The following LGI1 variants were observed in gnomAD, a reference collection of about 807,000 sequenced individuals.
The protein encoded by LGI1 is leucine-rich glioma-inactivated protein 1.
In LGI1, 11 loss-of-function variants were observed where a neutral mutation model predicts 57.7. The observed-to-expected ratio is 0.19, with a 90% CI of 0.12 to 0.32. The LOEUF is 0.32. Among genes scored for constraint, LGI1 ranks in the 10% least tolerant of loss-of-function variants. The pLI is 1.00. For missense variants in LGI1, 422 were observed against 661.9 expected (o/e 0.64, Z 3.98); for synonymous variants, 222 against 241.9 (o/e 0.92, Z 0.76).
At chr10:93,764,488 A>G (rs2059654133) in intron 2 of LGI1, 1 of 152,200 alleles carries the variant, frequency 6.6e-6, no homozygotes, top group Non-Finnish European at 1.5e-5. Flanking sequence ...TCCTGTGGCT[A>G]ATACGGGCTA....
chr10:93,776,853 A>T (rs2059799120), intron 2 of LGI1: 1 of 164,124 alleles, frequency 6.1e-6, no homozygotes, highest in Non-Finnish European at 1.3e-5. Context: ...TCCCATTTTC[A>T]GTCTGTGTGC....
rs1259297181 is a variant in LGI1 at position 93,775,721 on chromosome 10, T to C, written c.288-1658T>C. Among the ~76,000 whole-genome samples the C allele has an allele frequency of 3.3e-5, 5 of 152,246 alleles. No homozygotes were observed. In the East Asian group the frequency reaches 9.6e-4, roughly 29 times the overall value. On this transcript the variant is annotated intron_variant, in intron 2 of 7. Coordinates refer to ENST00000371418, the MANE Select transcript of LGI1 (RefSeq NM_005097.4). ...CTGCCCACTAATATTCATTTCCCAC[T>C]ATGTCCTGCATCTGATTTAACATAA...
At chr10:93,789,626 C>T (rs774003886) in intron 4 of LGI1, 2 of 168,362 alleles carry the variant, frequency 1.2e-5, no homozygotes, top group Admixed American at 5.6e-5. Context: ...GTAATCCCAG[C>T]ACTTTGGGAG....
intron 4 of LGI1, chr10:93,779,082 A>T (rs972363754): frequency 2.0e-5 from 3 of 152,190 alleles, no homozygotes; most frequent in Admixed American, 6.5e-5. Flanking sequence ...AATGAATGCT[A>T]TGCAATTTTA....
chr10:93,788,833 A>G (rs1455536997), intron 4 of LGI1: 1 of 152,246 alleles, frequency 6.6e-6, no homozygotes, highest in Non-Finnish European at 1.5e-5. Context: ...AGAATGTTTT[A>G]AAGGGAAGTT....
chr10:93,785,396 C>T (rs112296134), intron 4 of LGI1, among the ~76,000 whole-genome samples: 4 of 152,266 alleles, frequency 2.6e-5, no homozygotes, highest in African/African-American at 7.2e-5. Context: ...TTAATTCTCA[C>T]AATAAGTGAA....
chr10:93,776,331 G>T (rs996015994), intron 2 of LGI1, among the ~76,000 whole-genome samples: 1 of 152,096 alleles, frequency 6.6e-6, no homozygotes, highest in Non-Finnish European at 1.5e-5. Flanking sequence ...TCACTCTTAT[G>T]TATCCATCTT....
intron 4 of LGI1, among the ~76,000 whole-genome samples, chr10:93,787,034 A>G (rs2059897746): frequency 6.6e-6 from 1 of 152,196 alleles, no homozygotes; most frequent in Non-Finnish European, 1.5e-5. Context: ...GACTTAGGGA[A>G]GCTGTCTGAA....
At chr10:93,791,290 T>A (rs1410033652) in intron 5 of LGI1, 1 of 152,232 alleles carries the variant, frequency 6.6e-6, no homozygotes, top group Non-Finnish European at 1.5e-5. Context: ...TGGGTCAGAG[T>A]TCTCTTGGGA....
In LGI1 at chr10:93,758,033, T is replaced by TA; in HGVS notation, c.-111dup. The TA allele has an allele frequency of 1.1e-6, 1 of 919,216 alleles. No individual in the cohort carries two copies. Among genetic ancestry groups the TA allele is most frequent in the Non-Finnish European group, 1.8e-6 (1 of 569,410 alleles). The allele number at this position is 919,216 out of a possible 1,614,324, so 56.9% of individuals were successfully genotyped here. On this transcript the variant is annotated 5_prime_UTR_variant, in exon 1 of 8. Transcript: ENST00000371418. The surrounding 1 kb of genome is among the most constrained non-coding windows in gnomAD (Gnocchi z 4.7). ...GGTCTCTGTTTTGAAAAAGCAGAGA[T>TA]ACAGAGGCAGAGGAAAAGGGTGGAC...
At chr10:93,779,923 G>C (rs187812484) in intron 4 of LGI1, among the ~76,000 whole-genome samples, 78 of 152,318 alleles carry the variant, frequency 5.1e-4, no homozygotes, top group Admixed American at 2.5e-3. Context: ...TGTATCTTTA[G>C]CTAACACTTA....
chr10:93,763,782 A>G (rs1486379777), intron 2 of LGI1: 1 of 152,004 alleles, frequency 6.6e-6, no homozygotes, highest in Admixed American at 6.6e-5. Context: ...CCTTAGACCC[A>G]CCGCTCGAAT....
Position 93,770,473 on chromosome 10 carries a change from A to C in LGI1, c.288-6906A>C, listed in dbSNP as rs145786525. 9.9e-3 allele frequency: 1,511 copies of C among 152,582 alleles called. 10 individuals carry two copies. Among genetic ancestry groups the C allele is most frequent in the Non-Finnish European group, 0.016 (1,079 of 68,252 alleles). The allele number at this position is 152,582 out of a possible 1,614,324, so 9.5% of individuals were successfully genotyped here. A position where few individuals can be genotyped will look rare whatever the true frequency, so the allele number is the denominator to read the frequency against. ...GCCTTACCCTTGACCCCTTGTAGCT[A>C]TATCCTCATTCTTAGATCCTCTGCT... On this transcript the variant is annotated intron_variant, in intron 2 of 7. Transcript: ENST00000371418.
intron 2 of LGI1, among the ~76,000 whole-genome samples, chr10:93,775,392 A>C (rs1269994763): frequency 2.0e-5 from 3 of 152,174 alleles, no homozygotes; most frequent in Admixed American, 6.5e-5. Context: ...TGTAGTTCTC[A>C]CCAGAGGTTT....
At position 93,757,968 on chromosome 10, in the gene LGI1, T is replaced by C. The variant is rs2059581419; in HGVS notation, c.-177T>C. The C allele has an allele frequency of 1.5e-6, 1 of 671,422 alleles. No homozygotes were observed. 41.6% of individuals were successfully genotyped at this position (671,422 alleles called of 1,614,324 possible). On this transcript the variant is annotated 5_prime_UTR_variant, in exon 1 of 8. Transcript: ENST00000371418. ...CTCACAGGTCTCTTCCCCCGAGCAG[T>C]GCATTGCTGGAGCGAGGAGAAGCTC...
chr10:93,762,907 G>A (rs1314074962), intron 2 of LGI1: 1 of 152,182 alleles, frequency 6.6e-6, no homozygotes, highest in African/African-American at 2.4e-5. Flanking sequence ...CATCCTTTCA[G>A]TTATTCAGGC....
At chr10:93,781,894 T>C (rs2059850702) in intron 4 of LGI1, among the ~76,000 whole-genome samples, 1 of 152,186 alleles carries the variant, frequency 6.6e-6, no homozygotes, top group Non-Finnish European at 1.5e-5. Context: ...CATCAATCTA[T>C]ATGTATTGTA....
intron 4 of LGI1, 117 bp downstream of exon 4, chr10:93,777,734 A>T: frequency 1.3e-6 from 1 of 756,604 alleles, no homozygotes; most frequent in South Asian, 1.6e-5. Flanking sequence ...AACCCAAATG[A>T]CTTCTCTCCA....
chr10:93,772,123 A>C (rs1000361651), intron 2 of LGI1: 1 of 152,200 alleles, frequency 6.6e-6, no homozygotes, highest in African/African-American at 2.4e-5. Context: ...TTTTAGCATC[A>C]AAAGAAATAG....
Sources: allele counts gnomAD v4.1 joint callset (sites outside exome capture counted in the v4.1 genomes callset), GRCh38; gene constraint gnomAD v4.1.1; non-coding constraint Gnocchi (gnomAD v3.1); transcripts MANE v1.5; gene names NCBI Gene and HGNC (gene_info 2026-07-23, HGNC 2026-07-21).